FMNL2: variants seen among roughly 807,000 people sequenced by gnomAD.
FMNL2 encodes the protein formin-like protein 2.
Under a neutral mutation model 130.2 loss-of-function variants are expected in FMNL2, and 51 were observed. The observed-to-expected ratio is 0.39, with a 90% confidence interval of 0.31 to 0.49. FMNL2 has a LOEUF of 0.49. Among genes scored for constraint, FMNL2 ranks in the 20% least tolerant of loss-of-function variants. The pLI, the probability that FMNL2 is intolerant of heterozygous loss-of-function variation, is 0.85. For missense variants in FMNL2, 977 were observed against 1,316.2 expected, an observed-to-expected ratio of 0.74 and a Z score of 3.99; for synonymous variants, 465 against 467.1, an observed-to-expected ratio of 1.00 and a Z score of 0.06.
intron 1 of FMNL2, among the ~76,000 whole-genome samples, chr2:152,403,696 T>C (rs1277643741): frequency 1.3e-5 from 2 of 152,188 alleles, no homozygotes; most frequent in East Asian, 3.8e-4. Flanking sequence ...AAGGTTTTGG[T>C]CTCAGCTCTG....
chr2:152,543,143 A>G (rs962513539), intron 3 of FMNL2, among the ~76,000 whole-genome samples: 1 of 152,202 alleles, frequency 6.6e-6, no homozygotes, highest in Non-Finnish European at 1.5e-5. Context: ...TGCAAAGGGA[A>G]TACTTGCCTT....
chr2:152,551,792 G>A (rs1032121794), intron 4 of FMNL2, among the ~76,000 whole-genome samples: 1 of 152,202 alleles, frequency 6.6e-6, no homozygotes, highest in South Asian at 2.1e-4. Context: ...GAGGCAGGAC[G>A]ATTACTTGAG....
Position 152,582,561 on chromosome 2 carries a change from A to G in FMNL2, c.876+1512A>G, listed in dbSNP as rs116358356. On this transcript the variant is annotated intron_variant, in intron 9 of 25. Transcript: ENST00000288670. ...TATCCAGCTTCCAAGAGAATGAAGAAGAATAATAGTGAATCTTTAAATTCA... is the reference window on the plus strand; with the variant it reads ...TATCCAGCTTCCAAGAGAATGAAGAGGAATAATAGTGAATCTTTAAATTCA... Among the ~76,000 whole-genome samples the G allele has an allele frequency of 9.9e-3, 1,515 of 152,336 alleles. 16 individuals are homozygous for G. Among genetic ancestry groups the G allele is most frequent in the Middle Eastern group, 0.031 (9 of 294 alleles).
intron 9 of FMNL2, among the ~76,000 whole-genome samples, chr2:152,588,680 T>C (rs1697220718): frequency 6.6e-6 from 1 of 151,990 alleles, no homozygotes; most frequent in Non-Finnish European, 1.5e-5. Flanking sequence ...CTTCAAGGAC[T>C]TTAGTTTGCC....
chr2:152,516,706 C>A lies in FMNL2; in HGVS notation c.118-5237C>A, dbSNP rs528714652. 3.9e-5 allele frequency among the ~76,000 whole-genome samples: 6 copies of A among 152,176 alleles called. No homozygotes were observed. In the East Asian group the frequency reaches 1.2e-3, roughly 29 times the overall value. On this transcript the variant is annotated intron_variant, in intron 1 of 25. Coordinates refer to ENST00000288670, the MANE Select transcript of FMNL2 (RefSeq NM_052905.4). Reference sequence around the variant, plus strand: ...ACAAGTTTGCATTAATACCATGAAACCAGGTCAGGAGCTGATATCAGAAAA... The same window carrying A: ...ACAAGTTTGCATTAATACCATGAAAACAGGTCAGGAGCTGATATCAGAAAA...
chr2:152,617,241 C>A, intron 13 of FMNL2, 49 bp downstream of exon 13: 1 of 1,538,612 alleles, frequency 6.5e-7, no homozygotes, highest in Non-Finnish European at 9.0e-7. Context: ...AGGGAATGTA[C>A]TCCAGCTTTC....
intron 1 of FMNL2, among the ~76,000 whole-genome samples, chr2:152,399,833 G>A (rs149600982): frequency 1.4e-3 from 217 of 152,248 alleles, no homozygotes; most frequent in African/African-American, 5.0e-3. Flanking sequence ...AGATATTTGG[G>A]TGAGTTCTAT....
intron 8 of FMNL2, among the ~76,000 whole-genome samples, chr2:152,579,339 C>T (rs961023489): frequency 1.3e-5 from 2 of 152,078 alleles, no homozygotes; most frequent in African/African-American, 2.4e-5. Flanking sequence ...AAACCACCAT[C>T]CTTCGTCTAC....
At chr2:152,609,195 T>C (rs560239092) in intron 10 of FMNL2, among the ~76,000 whole-genome samples, 3 of 152,364 alleles carry the variant, frequency 2.0e-5, no homozygotes, top group Non-Finnish European at 4.4e-5. Flanking sequence ...TATTCACATA[T>C]ACATGCAATG....
chr2:152,391,926 T>TC (rs55802900), intron 1 of FMNL2, among the ~76,000 whole-genome samples: 31 of 134,722 alleles, frequency 2.3e-4, no homozygotes, highest in Admixed American at 1.7e-3. Context: ...TTTTTTTTTT[T>TC]CAAACCCATA....
intron 1 of FMNL2, among the ~76,000 whole-genome samples, chr2:152,491,150 A>G (rs973756983): frequency 6.6e-6 from 1 of 152,108 alleles, no homozygotes; most frequent in Non-Finnish European, 1.5e-5. Flanking sequence ...CCCCACTCCC[A>G]TTGTTATGTG....
At chr2:152,578,601 T>C (rs1696603968) in intron 7 of FMNL2, 1 of 201,612 alleles carries the variant, frequency 5.0e-6, no homozygotes, top group Admixed American at 5.9e-5. Flanking sequence ...TTTTTTTTTT[T>C]TTTTTGAGAG....
intron 1 of FMNL2, among the ~76,000 whole-genome samples, chr2:152,369,600 G>C (rs1009376407): frequency 2.0e-5 from 3 of 152,194 alleles, no homozygotes; most frequent in African/African-American, 7.2e-5. Context: ...CACTTACTGC[G>C]TGCCGATTGT....
At chr2:152,399,036 G>C (rs1685543656) in intron 1 of FMNL2, among the ~76,000 whole-genome samples, 1 of 152,212 alleles carries the variant, frequency 6.6e-6, no homozygotes, top group Non-Finnish European at 1.5e-5. Flanking sequence ...AGGAACACTT[G>C]GGTGCTGCCC....
intron 1 of FMNL2, among the ~76,000 whole-genome samples, chr2:152,384,769 C>A (rs565761781): frequency 6.6e-6 from 1 of 152,290 alleles, no homozygotes; most frequent in East Asian, 1.9e-4. Context: ...ATATTTTCAG[C>A]TAAGATTGGC....
At chr2:152,590,284 A>T (rs1390646190) in intron 9 of FMNL2, among the ~76,000 whole-genome samples, 1 of 151,920 alleles carries the variant, frequency 6.6e-6, no homozygotes, top group Non-Finnish European at 1.5e-5. Flanking sequence ...TTTAGCAGTT[A>T]TTTAGTCCAG....
At chr2:152,454,268 C>T (rs1285812820) in intron 1 of FMNL2, among the ~76,000 whole-genome samples, 2 of 152,114 alleles carry the variant, frequency 1.3e-5, no homozygotes, top group Non-Finnish European at 2.9e-5. Context: ...CAGAGCAAGA[C>T]TCTGTCTCAA....
rs1456325045 is a variant in FMNL2, at chr2:152,648,854, C to CTAAGT, written c.*951_*955dup. On this transcript the variant is annotated 3_prime_UTR_variant, in exon 26 of 26. Transcript: ENST00000288670. ...ATACACTTGGCATCGTGTATCGAGG[C>CTAAGT]TAAGTTTTTCATGCATTTCCCAGAC... The CTAAGT allele has an allele frequency of 6.6e-6, 1 of 152,526 alleles. No individual in the cohort carries two copies. The highest frequency in any genetic ancestry group is 2.4e-5 in the African/African-American group (1 of 41,402). The allele number at this position is 152,526 out of a possible 1,614,324, so 9.4% of individuals were successfully genotyped here. A position where few individuals can be genotyped will look rare whatever the true frequency, so the allele number is the denominator to read the frequency against.
intron 1 of FMNL2, among the ~76,000 whole-genome samples, chr2:152,503,230 G>A (rs1691950540): frequency 6.6e-6 from 1 of 152,190 alleles, no homozygotes; most frequent in South Asian, 2.1e-4. Flanking sequence ...GGACAAATAG[G>A]AATTTATAGC....
Sources: allele counts gnomAD v4.1 joint callset (sites outside exome capture counted in the v4.1 genomes callset), GRCh38; gene constraint gnomAD v4.1.1; transcripts MANE v1.5; gene names NCBI Gene and HGNC (gene_info 2026-07-23, HGNC 2026-07-21).